GRIP1: variants seen among roughly 807,000 people sequenced by gnomAD.
GRIP1 encodes the protein glutamate receptor-interacting protein 1.
Under a neutral mutation model 129.9 loss-of-function variants are expected in GRIP1, and 45 were observed. That is an observed-to-expected ratio of 0.35 (90% CI 0.27 to 0.44). The LOEUF is 0.44. Ranked by LOEUF, GRIP1 falls within the 20% of genes least tolerant of loss-of-function variation. The probability of loss-of-function intolerance (pLI) is 1.00; values close to 1 mark genes in which losing one functional copy is unlikely to be tolerated. For synonymous variants in GRIP1, 530 were observed against 520.8 expected (o/e 1.02, Z -0.24); for missense variants, 1,196 against 1,396.8 (o/e 0.86, Z 2.29).
At chr12:66,543,770 C>A (rs1417804567) in intron 2 of GRIP1, among the ~76,000 whole-genome samples, 3 of 152,148 alleles carry the variant, frequency 2.0e-5, no homozygotes, top group African/African-American at 7.2e-5. Flanking sequence ...CAAAAAGATT[C>A]TCTGCATCTT....
intron 7 of GRIP1, among the ~76,000 whole-genome samples, chr12:66,467,055 T>C (rs997184025): frequency 6.6e-5 from 10 of 152,160 alleles, no homozygotes; most frequent in African/African-American, 2.4e-4. Context: ...GTGCTAAGGA[T>C]TCTTGTATGT....
intron 2 of GRIP1, among the ~76,000 whole-genome samples, chr12:66,583,094 A>G (rs2063469005): frequency 6.6e-6 from 1 of 151,856 alleles, no homozygotes; most frequent in Admixed American, 6.5e-5. Context: ...GCCCTCAGAA[A>G]TAACGCCGCA....
intron 1 of GRIP1, among the ~76,000 whole-genome samples, chr12:66,971,410 G>T (rs944869692): frequency 7.2e-5 from 11 of 152,116 alleles, no homozygotes; most frequent in Non-Finnish European, 1.6e-4. Context: ...TGTTTGCTTA[G>T]AAAAGTATTT....
At chr12:66,999,724 G>A (rs189744383) in intron 1 of GRIP1, among the ~76,000 whole-genome samples, 26 of 152,120 alleles carry the variant, frequency 1.7e-4, no homozygotes, top group African/African-American at 6.3e-4. Flanking sequence ...TGCAAAAGAG[G>A]ATTCAGAGTA....
At chr12:66,751,065 T>A (rs11176407) in intron 1 of GRIP1, among the ~76,000 whole-genome samples, 9,171 of 152,306 alleles carry the variant, frequency 0.06, 360 homozygotes, top group Middle Eastern at 0.13. Flanking sequence ...TAAAAAAATT[T>A]TTTTAAGTTA....
chr12:66,943,346 GGA>G (rs984059392), intron 1 of GRIP1, among the ~76,000 whole-genome samples: 1 of 152,186 alleles, frequency 6.6e-6, no homozygotes, highest in Admixed American at 6.5e-5. Context: ...CTTGGGATGA[GGA>G]GAGAGAGCAC....
In GRIP1 at chr12:66,925,136, A is replaced by T. The variant is rs2041276058; in HGVS notation, c.58+143914T>A. On this transcript the variant is annotated intron_variant, in intron 1 of 1. Transcript: ENST00000643019. ...CATAGGAAGAGAGTATAAGTAAGTA[A>T]TTCCACAGGACTCTGCAGAGAAGTT... Among the ~76,000 whole-genome samples the T allele has an allele frequency of 2.0e-5, 3 of 152,306 alleles. 1 individual carries two copies. In the South Asian group the frequency reaches 6.2e-4, roughly 32 times the overall value.
intron 1 of GRIP1, among the ~76,000 whole-genome samples, chr12:66,613,151 CT>C (rs1361968415): frequency 6.6e-6 from 1 of 152,106 alleles, no homozygotes; most frequent in Non-Finnish European, 1.5e-5. Context: ...ACTTAGTCCC[CT>C]AAACCAGACA....
chr12:66,946,009 C>A (rs768157162), intron 1 of GRIP1, among the ~76,000 whole-genome samples: 21 of 152,206 alleles, frequency 1.4e-4, no homozygotes, highest in Non-Finnish European at 2.4e-4. Flanking sequence ...CCCCTTCCTT[C>A]TTCCTGCTAC....
intron 1 of GRIP1, among the ~76,000 whole-genome samples, chr12:66,839,304 A>T (rs974147328): frequency 1.3e-5 from 2 of 152,102 alleles, no homozygotes; most frequent in African/African-American, 4.8e-5. Flanking sequence ...CCTATTAGGG[A>T]CCATTATGGG....
chr12:66,823,054 A>T (rs1013939031), intron 1 of GRIP1, among the ~76,000 whole-genome samples: 3 of 152,218 alleles, frequency 2.0e-5, no homozygotes, highest in South Asian at 2.1e-4. Flanking sequence ...TCTTCAACTG[A>T]AAACAGACCT....
At chr12:66,600,808 C>T (rs1028706615) in intron 1 of GRIP1, among the ~76,000 whole-genome samples, 12 of 152,220 alleles carry the variant, frequency 7.9e-5, no homozygotes, top group African/African-American at 2.9e-4. Flanking sequence ...GGGATTCTCA[C>T]TAAAAGTCAC....
intron 23 of GRIP1, among the ~76,000 whole-genome samples, chr12:66,358,473 G>T (rs2054597189): frequency 6.6e-6 from 1 of 151,992 alleles, no homozygotes; most frequent in Admixed American, 6.5e-5. Flanking sequence ...TTGAGACAGG[G>T]TCTCACTCTG....
chr12:66,456,821 A>G (rs983440561), intron 9 of GRIP1, among the ~76,000 whole-genome samples: 1 of 152,196 alleles, frequency 6.6e-6, no homozygotes, highest in African/African-American at 2.4e-5. Flanking sequence ...CTAGTCACAC[A>G]TCAGAATTTA....
At chr12:66,464,186 T>G (rs1228472700) in intron 8 of GRIP1, among the ~76,000 whole-genome samples, 1 of 152,240 alleles carries the variant, frequency 6.6e-6, no homozygotes, top group East Asian at 1.9e-4. Context: ...TTTCAAGTCA[T>G]ATCTTCCAAC....
At chr12:66,800,649 G>A (rs137992831) in intron 1 of GRIP1, among the ~76,000 whole-genome samples, 1 of 152,100 alleles carries the variant, frequency 6.6e-6, no homozygotes, top group African/African-American at 2.4e-5. Context: ...ACCTGCCAGA[G>A]CCTATAAAAA....
intron 7 of GRIP1, among the ~76,000 whole-genome samples, chr12:66,513,632 G>A (rs1174982133): frequency 3.9e-5 from 6 of 152,036 alleles, no homozygotes. Context: ...TGTTTTGGCT[G>A]ATATACAGAA....
At chr12:66,969,564 A>T (rs1236169711) in intron 1 of GRIP1, among the ~76,000 whole-genome samples, 1 of 151,956 alleles carries the variant, frequency 6.6e-6, no homozygotes, top group Non-Finnish European at 1.5e-5. Flanking sequence ...CCACGGGCAT[A>T]TGCCACCACG....
intron 1 of GRIP1, among the ~76,000 whole-genome samples, chr12:67,060,837 A>AAC (rs1288352656): frequency 8.6e-5 from 13 of 151,398 alleles, no homozygotes; most frequent in African/African-American, 2.9e-4. Context: ...AAAAAAAAAA[A>AAC]AAAAAAAATG....
Sources: allele counts gnomAD v4.1 joint callset (sites outside exome capture counted in the v4.1 genomes callset), GRCh38; gene constraint gnomAD v4.1.1; transcripts MANE v1.5; gene names NCBI Gene and HGNC (gene_info 2026-07-23, HGNC 2026-07-21).